NEK1: variants seen among roughly 807,000 people sequenced by gnomAD.
The protein encoded by NEK1 is NIMA related kinase 1.
Under a neutral mutation model 182.1 loss-of-function variants are expected in NEK1, and 137 were observed. The ratio of observed to expected loss-of-function variants is 0.75; its 90% CI spans 0.65 to 0.87. The LOEUF is 0.87. NEK1 is among the 40% of genes least tolerant of loss of function. The pLI is 0.00. For missense variants in NEK1, 1,391 were observed against 1,494.4 expected (o/e 0.93, Z 1.14); for synonymous variants, 513 against 492.2 (o/e 1.04, Z -0.56).
intron 19 of NEK1, among the ~76,000 whole-genome samples, chr4:169,531,388 G>A (rs1757648271): frequency 6.6e-6 from 1 of 151,836 alleles, no homozygotes; most frequent in Non-Finnish European, 1.5e-5. Flanking sequence ...TGAACAGGAG[G>A]AAAGAGACAG....
At chr4:169,425,048 C>T (rs1295927444) in intron 30 of NEK1, among the ~76,000 whole-genome samples, 1 of 152,128 alleles carries the variant, frequency 6.6e-6, no homozygotes, top group Non-Finnish European at 1.5e-5. Flanking sequence ...ACAATACAGA[C>T]ACAAGGGTGG....
At chr4:169,589,406 T>C in intron 7 of NEK1, 41 bp downstream of exon 7, 2 of 1,159,974 alleles carry the variant, frequency 1.7e-6, no homozygotes, top group Non-Finnish European at 2.5e-6. Context: ...GAAGGTTCGC[T>C]GAAAACATTA....
chr4:169,514,256 G>C (rs1351235994), intron 19 of NEK1, among the ~76,000 whole-genome samples: 2 of 152,106 alleles, frequency 1.3e-5, no homozygotes, highest in African/African-American at 2.4e-5. Context: ...CCAAAGTGCT[G>C]GGATTACAGG....
At position 169,507,039 on chromosome 4, in the gene NEK1, G is replaced by A; in HGVS notation, c.2005C>T (p.His669Tyr). 6.2e-7 allele frequency: 1 copy of A among 1,601,784 alleles called. No individual in the cohort carries two copies. The highest frequency in any genetic ancestry group is 8.5e-7 in the Non-Finnish European group (1 of 1,172,618). The change falls in exon 23 of 36, where the codon CAT (histidine) becomes TAT (tyrosine). Residue 669 changes from histidine to tyrosine, a missense_variant and splice_region_variant. Coordinates refer to ENST00000507142, the MANE Select transcript of NEK1 (RefSeq NM_001199397.3). ...YEREKKVWEE[H>Y]LVAKGVKSSD... ...TAAGAATATGAGCTAAATCTTACATGCTCTTCCCACACTTTTTTTTCTCTC... is the reference window on the plus strand; with the variant it reads ...TAAGAATATGAGCTAAATCTTACATACTCTTCCCACACTTTTTTTTCTCTC...
chr4:169,566,763 A>C (rs1763749728), intron 12 of NEK1, among the ~76,000 whole-genome samples: 1 of 152,194 alleles, frequency 6.6e-6, no homozygotes, highest in African/African-American at 2.4e-5. Context: ...AAGATGCTTT[A>C]ATTTCCAGGG....
intron 19 of NEK1, among the ~76,000 whole-genome samples, chr4:169,534,611 C>A (rs1026802662): frequency 6.6e-6 from 1 of 152,240 alleles, no homozygotes; most frequent in African/African-American, 2.4e-5. Flanking sequence ...CTGAAAAGAC[C>A]TCCAAATCAA....
chr4:169,463,580 A>T (rs1371709647), intron 26 of NEK1, among the ~76,000 whole-genome samples, 185 bp from the exon 27 acceptor site: 2 of 152,170 alleles, frequency 1.3e-5, no homozygotes. Context: ...CTAGCAATAA[A>T]AATATATCTA....
rs139337968 is a variant in NEK1, at chr4:169,477,363, C to T, written c.2206-11G>A. The T allele has an allele frequency of 7.1e-5, 110 of 1,558,006 alleles. 2 individuals are homozygous for T. The highest frequency in any genetic ancestry group is 6.9e-4 in the East Asian group (29 of 41,734). On this transcript the variant is annotated splice_polypyrimidine_tract_variant and intron_variant, in intron 25 of 35. Coordinates refer to ENST00000507142, the MANE Select transcript of NEK1 (RefSeq NM_001199397.3). ...TATTTCTCGCTTACTCTGAAAGTCA[C>T]GACATTATATATTTTAATATGTATA...
chr4:169,471,233 G>A (rs1159680962), intron 26 of NEK1, among the ~76,000 whole-genome samples: 2 of 152,098 alleles, frequency 1.3e-5, no homozygotes, highest in South Asian at 2.1e-4. Flanking sequence ...GCCTTTTTGC[G>A]TTGGTTTTTC....
intron 19 of NEK1, among the ~76,000 whole-genome samples, chr4:169,525,101 T>C (rs1262710924): frequency 1.3e-5 from 2 of 152,168 alleles, no homozygotes; most frequent in Non-Finnish European, 2.9e-5. Flanking sequence ...CATATTCTTT[T>C]CCATGTACCA....
At chr4:169,560,983 T>G (rs1762814943) in intron 16 of NEK1, among the ~76,000 whole-genome samples, 1 of 151,954 alleles carries the variant, frequency 6.6e-6, no homozygotes, top group African/African-American at 2.4e-5. Flanking sequence ...GAAACACAAG[T>G]GCAAAGACAA....
At chr4:169,408,388 C>T (rs1408995376) in intron 31 of NEK1, among the ~76,000 whole-genome samples, 1 of 152,150 alleles carries the variant, frequency 6.6e-6, no homozygotes, top group Non-Finnish European at 1.5e-5. Flanking sequence ...AGTCCCCCCA[C>T]CTACTCCCCC....
At chr4:169,521,103 A>G (rs1374167337) in intron 19 of NEK1, among the ~76,000 whole-genome samples, 1 of 79,642 alleles carries the variant, frequency 1.3e-5, no homozygotes, top group Non-Finnish European at 2.5e-5. Context: ...CCCCTCCCCC[A>G]GCCTCGTTGC....
intron 19 of NEK1, among the ~76,000 whole-genome samples, chr4:169,531,585 T>C (rs889136444): frequency 2.0e-5 from 3 of 152,004 alleles, no homozygotes; most frequent in Non-Finnish European, 2.9e-5. Context: ...AGATAAGTGA[T>C]GGAATAAGGC....
chr4:169,551,654 G>A (rs1162638446), intron 18 of NEK1, among the ~76,000 whole-genome samples: 2 of 152,066 alleles, frequency 1.3e-5, no homozygotes, highest in Non-Finnish European at 2.9e-5. Context: ...AGGTATGCAA[G>A]AAAATTAACC....
intron 26 of NEK1, among the ~76,000 whole-genome samples, chr4:169,470,300 T>C (rs896845819): frequency 2.0e-5 from 3 of 152,140 alleles, no homozygotes; most frequent in African/African-American, 7.2e-5. Flanking sequence ...GCTTCCTTCA[T>C]GAGCTCTTAT....
rs939833557 is a variant in NEK1, at chr4:169,582,177, A to G, written c.808-1275T>C. On this transcript the variant is annotated intron_variant, in intron 10 of 35. Coordinates refer to ENST00000507142, the MANE Select transcript of NEK1 (RefSeq NM_001199397.3). ...GTGAATTTTCTCTTTTTTCAAGAGAACTGATTCTTGGTGAGAGAATCTTCC... is the reference window on the plus strand; with the variant it reads ...GTGAATTTTCTCTTTTTTCAAGAGAGCTGATTCTTGGTGAGAGAATCTTCC... Among the ~76,000 whole-genome samples, 8 of 152,168 alleles carry G rather than the reference A, an allele frequency of 5.3e-5. No individual in the cohort carries two copies. The East Asian group carries it at 1.5e-3, about 29-fold the overall frequency.
chr4:169,533,842 T>G (rs1561362388), intron 19 of NEK1, among the ~76,000 whole-genome samples: 1 of 152,232 alleles, frequency 6.6e-6, no homozygotes, highest in Non-Finnish European at 1.5e-5. Context: ...GAAGAACTTT[T>G]AATTTCAAAT....
chr4:169,564,418 A>G (rs1400420852), intron 12 of NEK1, among the ~76,000 whole-genome samples: 1 of 152,134 alleles, frequency 6.6e-6, no homozygotes, highest in East Asian at 1.9e-4. Context: ...GCTATATTTT[A>G]ACATAAGTCA....
Sources: gnomAD v4.1 joint callset for allele counts (sites outside exome capture counted in the v4.1 genomes callset) on GRCh38, gnomAD v4.1.1 for gene constraint, MANE v1.5 for transcripts, NCBI Gene and HGNC (gene_info 2026-07-23, HGNC 2026-07-21) for gene names.